TOMM34: variants seen among roughly 807,000 people sequenced by gnomAD.
The protein encoded by TOMM34 is translocase of outer mitochondrial membrane 34.
In TOMM34, 24 loss-of-function variants were observed where a neutral mutation model predicts 37.4. The observed-to-expected ratio is 0.64, with a 90% confidence interval of 0.46 to 0.90. TOMM34 has a LOEUF of 0.90. TOMM34 is among the 40% of genes least tolerant of loss of function. The probability of loss-of-function intolerance (pLI) is 0.00; values close to 1 mark genes in which losing one functional copy is unlikely to be tolerated. For missense variants in TOMM34, 304 were observed against 375.6 expected, an observed-to-expected ratio of 0.81 and a Z score of 1.58; for synonymous variants, 154 against 148.9, an observed-to-expected ratio of 1.03 and a Z score of -0.25.
At chr20:44,944,154 G>C (rs2066960723) in intron 5 of TOMM34, among the ~76,000 whole-genome samples, 1 of 152,192 alleles carries the variant, frequency 6.6e-6, no homozygotes, top group Non-Finnish European at 1.5e-5. Flanking sequence ...GTAGGTCTAT[G>C]GGTGTTCAAT....
Position 44,956,474 on chromosome 20 carries a change from G to C in TOMM34, c.139C>G (p.Pro47Ala). 1 of 1,614,050 alleles carries C rather than the reference G, an allele frequency of 6.2e-7. No homozygotes were observed. Among genetic ancestry groups the C allele is most frequent in the African/African-American group, 1.3e-5 (1 of 75,018 alleles). The change falls in exon 2 of 7, where the codon CCA (proline) becomes GCA (alanine). Residue 47 changes from proline (P) to alanine (A), a missense_variant. Physicochemically the swap from Pro to Ala is conservative, Grantham distance 27. Coordinates refer to ENST00000372813, the MANE Select transcript of TOMM34 (RefSeq NM_006809.5). ...GAGTAGAGAACACTTTCTTCTTCTG[G>C]GTCTGAAGAACCTGCCCAGATAGAG... Reference protein sequence around the residue: ...RVLQAQGSSDPEEESVLYSNR... With the variant: ...RVLQAQGSSDAEEESVLYSNR...
In TOMM34 at chr20:44,960,209, T is replaced by G. The variant is rs1168731896; in HGVS notation, c.125A>C (p.Gln42Pro). 6.4e-7 allele frequency: 1 copy of G among 1,558,236 alleles called. No homozygotes were observed. The highest frequency in any genetic ancestry group is 1.4e-5 in the African/African-American group (1 of 72,400). The change falls in exon 1 of 7, where the codon CAA becomes CCA. Residue 42 changes from glutamine (Q) to proline (P), a missense_variant and splice_region_variant. Gln to Pro is a moderately conservative substitution (Grantham distance 76). Coordinates refer to ENST00000372813, the MANE Select transcript of TOMM34 (RefSeq NM_006809.5). ...YGRALRVLQA[Q>P]GSSDPEEESV... Reference sequence around the variant, plus strand: ...TGAGATGGGGGCCGGGGTCGTACCTTGCGCCTGCAGCACCCGCAGCGCGCG... The same window carrying G: ...TGAGATGGGGGCCGGGGTCGTACCTGGCGCCTGCAGCACCCGCAGCGCGCG...
intron 4 of TOMM34, among the ~76,000 whole-genome samples, chr20:44,949,904 C>A (rs1470092593): frequency 6.6e-6 from 1 of 152,148 alleles, no homozygotes; most frequent in Non-Finnish European, 1.5e-5. Context: ...TCTGTGTATT[C>A]TTTTATGACT....
chr20:44,954,077 GCT>G (rs373646734), intron 3 of TOMM34, among the ~76,000 whole-genome samples: 79 of 152,244 alleles, frequency 5.2e-4, no homozygotes, highest in African/African-American at 1.8e-3. Context: ...TGCACACGCT[GCT>G]CTGTCTTCTG....
intron 3 of TOMM34, among the ~76,000 whole-genome samples, chr20:44,954,856 T>TATCA (rs369841762): frequency 6.6e-6 from 1 of 152,128 alleles, no homozygotes; most frequent in African/African-American, 2.4e-5. Flanking sequence ...TGTAGGCAAA[T>TATCA]ATCAATCAAT....
rs779680673 is a variant in TOMM34 at position 44,948,866 on chromosome 20, C to T, written c.562G>A (p.Gly188Arg). ...AGAACTCTGGCTTTCTCCACATCCC[C>T]AGCAGAAGGCACTAGATACAAATTC... ...TATKNRVPSA[G>R]DVEKARVLKE... The change falls in exon 5 of 7, where the codon GGG (glycine) becomes AGG (arginine). Residue 188 changes from glycine (G) to arginine (R), a missense_variant. Coordinates refer to ENST00000372813, the MANE Select transcript of TOMM34 (RefSeq NM_006809.5). 1 of 1,613,868 alleles carries T rather than the reference C, an allele frequency of 6.2e-7. No individual in the cohort carries two copies. The highest frequency in any genetic ancestry group is 1.1e-5 in the South Asian group (1 of 91,052).
At chr20:44,951,736 T>G in intron 4 of TOMM34, 97 bp downstream of exon 4, 1 of 1,413,614 alleles carries the variant, frequency 7.1e-7, no homozygotes, top group Non-Finnish European at 9.6e-7. Flanking sequence ...AGATTATTTT[T>G]ATAACTCAGC....
intron 4 of TOMM34, among the ~76,000 whole-genome samples, chr20:44,949,437 G>A (rs1057464118): frequency 1.3e-5 from 2 of 152,154 alleles, no homozygotes; most frequent in Non-Finnish European, 2.9e-5. Context: ...TTTCTGGTTT[G>A]GGCTGAGCCT....
chr20:44,943,502 T>C lies in TOMM34; in HGVS notation c.776A>G (p.Lys259Arg). The C allele has an allele frequency of 6.2e-7, 1 of 1,614,148 alleles. No homozygotes were observed. The highest frequency in any genetic ancestry group is 8.5e-7 in the Non-Finnish European group (1 of 1,180,010). The change falls in exon 6 of 7, where the codon AAG becomes AGG. Residue 259 changes from lysine to arginine, a missense_variant. Coordinates refer to ENST00000372813, the MANE Select transcript of TOMM34 (RefSeq NM_006809.5). ...CCGTCTGTAGAATGCCTTCACGTTC[T>C]TTCCATCCAGCTTGAGGGCTTCTGT... ...DCTEALKLDG[K>R]NVKAFYRRAQ...
intron 3 of TOMM34, among the ~76,000 whole-genome samples, chr20:44,954,068 G>A (rs1317256553): frequency 6.6e-6 from 1 of 152,134 alleles, no homozygotes; most frequent in Non-Finnish European, 1.5e-5. Context: ...GCTCACCTTT[G>A]CACACGCTGC....
intron 5 of TOMM34, among the ~76,000 whole-genome samples, chr20:44,944,273 T>C (rs2066961607): frequency 6.6e-6 from 1 of 152,184 alleles, no homozygotes; most frequent in Non-Finnish European, 1.5e-5. Flanking sequence ...TTCAAAAAAG[T>C]GCATGTGTGT....
rs6031881 is a variant in TOMM34 at position 44,944,241 on chromosome 20, C to T, written c.699-662G>A. ...TGGAAAAAAGTTATGTGCATCCATA[C>T]AATATATTCTGCATCTGTGGGTTCA... On this transcript the variant is annotated intron_variant, in intron 5 of 6. Coordinates refer to ENST00000372813, the MANE Select transcript of TOMM34 (RefSeq NM_006809.5). Among the ~76,000 whole-genome samples, 630 of 152,310 alleles carry T rather than the reference C, an allele frequency of 4.1e-3. 7 individuals are homozygous for T. The highest frequency in any genetic ancestry group is 0.015 in the African/African-American group (613 of 41,558).
rs1420194011 is a variant in TOMM34, at chr20:44,952,117, C to G, written c.381-115G>C. ...CAGAAGAGCCAGAGCTGCCACCCTCCCCCTGGTCGGAACCACCTCTTTAGC... is the reference window on the plus strand; with the variant it reads ...CAGAAGAGCCAGAGCTGCCACCCTCGCCCTGGTCGGAACCACCTCTTTAGC... On this transcript the variant is annotated intron_variant, in intron 3 of 6. Transcript: ENST00000372813. 1.3e-5 allele frequency: 17 copies of G among 1,314,616 alleles called. No individual in the cohort carries two copies. The East Asian group carries it at 3.8e-4, about 29-fold the overall frequency. The allele number at this position is 1,314,616 out of a possible 1,614,324, so 81.4% of individuals were successfully genotyped here.
intron 4 of TOMM34, among the ~76,000 whole-genome samples, chr20:44,949,941 A>C (rs886749970): frequency 6.6e-6 from 1 of 152,118 alleles, no homozygotes; most frequent in South Asian, 2.1e-4. Flanking sequence ...CCTTAATGTT[A>C]TATTTCTGAG....
intron 4 of TOMM34, among the ~76,000 whole-genome samples, chr20:44,951,602 A>G (rs1164046250): frequency 6.6e-6 from 1 of 152,230 alleles, no homozygotes; most frequent in African/African-American, 2.4e-5. Flanking sequence ...TGGGAGTTTT[A>G]CATGTCTTAT....
intron 4 of TOMM34, among the ~76,000 whole-genome samples, chr20:44,950,459 G>A (rs1389217185): frequency 1.3e-5 from 2 of 152,180 alleles, no homozygotes; most frequent in South Asian, 2.1e-4. Flanking sequence ...TCCCTCAACT[G>A]AGGGAGAGTT....
At chr20:44,944,450 A>G (rs2066963544) in intron 5 of TOMM34, among the ~76,000 whole-genome samples, 2 of 152,212 alleles carry the variant, frequency 1.3e-5, no homozygotes, top group South Asian at 4.1e-4. Context: ...TTATTTTACC[A>G]ATTTCCTATC....
intron 1 of TOMM34, among the ~76,000 whole-genome samples, chr20:44,956,922 A>C (rs1163568883): frequency 6.6e-6 from 1 of 152,024 alleles, no homozygotes; most frequent in Non-Finnish European, 1.5e-5. Flanking sequence ...ACAAGATGAT[A>C]AACGTATGAT....
chr20:44,943,218 TAGA>T lies in TOMM34; in HGVS notation c.826-8_826-6del. On this transcript the variant is annotated splice_polypyrimidine_tract_variant and splice_region_variant and intron_variant, in intron 6 of 6. Transcript: ENST00000372813. ...TGCAAAGCTGGATTTATAGTCCTAA[TAGA>T]AGAAAAGACAGGAGTGTGGGGGAAG... 6.2e-7 allele frequency: 1 copy of T among 1,613,922 alleles called. No individual in the cohort carries two copies. The highest frequency in any genetic ancestry group is 8.5e-7 in the Non-Finnish European group (1 of 1,179,880).
Sources: allele counts gnomAD v4.1 joint callset (sites outside exome capture counted in the v4.1 genomes callset), GRCh38; gene constraint gnomAD v4.1.1; transcripts MANE v1.5; gene names NCBI Gene and HGNC (gene_info 2026-07-23, HGNC 2026-07-21).